NYAP2: variants seen among roughly 807,000 people sequenced by gnomAD.
The protein encoded by NYAP2 is neuronal tyrosine-phosphorylated phosphoinositide-3-kinase adaptor 2, also known as neuronal tyrosine-phosphorylated phosphoinositide-3-kinase adapter 2.
Under a neutral mutation model 50.4 loss-of-function variants are expected in NYAP2, and 23 were observed. The ratio of observed to expected loss-of-function variants is 0.46; its 90% confidence interval spans 0.33 to 0.65. The LOEUF (loss-of-function observed/expected upper bound fraction) is 0.65. NYAP2 is among the 30% of genes least tolerant of loss of function. The pLI, the probability that NYAP2 is intolerant of heterozygous loss-of-function variation, is 0.02. For synonymous variants in NYAP2, 394 were observed against 365.2 expected, an observed-to-expected ratio of 1.08 and a Z score of -0.90; for missense variants, 885 against 861.0, an observed-to-expected ratio of 1.03 and a Z score of -0.35.
intron 3 of NYAP2, among the ~76,000 whole-genome samples, chr2:225,494,927 TTACCCTAGTATATGTAAA>T (rs1206741959): frequency 2.6e-5 from 4 of 152,212 alleles, no homozygotes; most frequent in Non-Finnish European, 5.9e-5. Context: ...TCTGTGTTTC[TTACCCTAGTATATGTAAA>T]AACCAGTAAT....
intron 3 of NYAP2, among the ~76,000 whole-genome samples, chr2:225,433,816 C>CAAA (rs35886164): frequency 0.08 from 4,964 of 62,172 alleles, 1,025 homozygotes; most frequent in Middle Eastern, 0.1. Flanking sequence ...GACTCCGTCT[C>CAAA]AAAAAAAAAA....
chr2:225,675,217 T>C, the NYAP2 span, among the ~76,000 whole-genome samples: 8 of 152,082 alleles, frequency 5.3e-5, no homozygotes, highest in Non-Finnish European at 7.4e-5. Flanking sequence ...TGCCGAGGCT[T>C]GAGGTCCCAA....
At chr2:225,474,976 G>C (rs908074634) in intron 3 of NYAP2, among the ~76,000 whole-genome samples, 1 of 152,110 alleles carries the variant, frequency 6.6e-6, no homozygotes, top group Non-Finnish European at 1.5e-5. Flanking sequence ...AGCTATAAAA[G>C]CATCTGTATT....
At chr2:225,407,074 G>T (rs79983485) in intron 2 of NYAP2, among the ~76,000 whole-genome samples, 1 of 151,894 alleles carries the variant, frequency 6.6e-6, no homozygotes, top group African/African-American at 2.4e-5. Context: ...TGCTTAACTT[G>T]GGTAGAATTA....
upstream of NYAP2, among the ~76,000 whole-genome samples, chr2:225,399,498 T>A (rs927125525): frequency 1.3e-4 from 20 of 152,136 alleles, no homozygotes; most frequent in African/African-American, 4.6e-4. Context: ...ATTAATGACA[T>A]ACATATCATA....
intron 3 of NYAP2, among the ~76,000 whole-genome samples, chr2:225,424,958 T>C (rs1695264924): frequency 6.6e-6 from 1 of 152,164 alleles, no homozygotes; most frequent in Non-Finnish European, 1.5e-5. Context: ...TGAGTTCGTT[T>C]CCATCATATT....
intron 3 of NYAP2, among the ~76,000 whole-genome samples, chr2:225,487,522 G>C (rs990894431): frequency 6.6e-6 from 1 of 151,968 alleles, no homozygotes; most frequent in African/African-American, 2.4e-5. Context: ...GCCACACCCA[G>C]CTAATTTTTG....
chr2:225,476,466 T>C (rs1690110361), intron 3 of NYAP2, among the ~76,000 whole-genome samples: 1 of 152,102 alleles, frequency 6.6e-6, no homozygotes, highest in African/African-American at 2.4e-5. Flanking sequence ...TTGTTCATTG[T>C]AGGAACATTC....
chr2:225,418,691 T>C (rs1466090801), intron 3 of NYAP2, among the ~76,000 whole-genome samples: 1 of 152,220 alleles, frequency 6.6e-6, no homozygotes, highest in Non-Finnish European at 1.5e-5. Context: ...GATTTGTTGA[T>C]ATTTGTAAGA....
At chr2:225,686,418 C>T in the NYAP2 span, among the ~76,000 whole-genome samples, 4 of 152,124 alleles carry the variant, frequency 2.6e-5, no homozygotes, top group Non-Finnish European at 5.9e-5. Context: ...TGAAGACTTT[C>T]TCCCTGGCTT....
At chr2:225,593,451 C>T (rs1259851446) in intron 5 of NYAP2, among the ~76,000 whole-genome samples, 2 of 152,178 alleles carry the variant, frequency 1.3e-5, no homozygotes, top group African/African-American at 4.8e-5. Context: ...TTCTCCCTTG[C>T]TGAAAGGACT....
At chr2:225,518,551 TATA>T (rs1333049255) in intron 4 of NYAP2, among the ~76,000 whole-genome samples, 3 of 69,210 alleles carry the variant, frequency 4.3e-5, no homozygotes, top group African/African-American at 1.9e-4. Flanking sequence ...TATATATATA[TATA>T]TATATATATA....
chr2:225,675,834 A>C, the NYAP2 span, among the ~76,000 whole-genome samples: 1,103 of 152,250 alleles, frequency 7.2e-3, 16 homozygotes, highest in African/African-American at 0.025. Flanking sequence ...AATAGTCACC[A>C]TTCCAATTGA....
chr2:225,703,431 A>G, the NYAP2 span: 2 of 151,856 alleles, frequency 1.3e-5, no homozygotes, highest in Non-Finnish European at 2.9e-5. Flanking sequence ...CCATTTCTAT[A>G]TATATAATAA....
intron 5 of NYAP2, among the ~76,000 whole-genome samples, chr2:225,616,045 G>A (rs1248070302): frequency 6.6e-6 from 1 of 152,190 alleles, no homozygotes; most frequent in African/African-American, 2.4e-5. Flanking sequence ...GCTCTGTGAT[G>A]TTTTTACACC....
At chr2:225,560,938 T>TTG (rs1559214714) in intron 4 of NYAP2, among the ~76,000 whole-genome samples, 1 of 151,444 alleles carries the variant, frequency 6.6e-6, no homozygotes, top group African/African-American at 2.4e-5. Flanking sequence ...AAAACGTTTT[T>TTG]TTTTTTTTTT....
At chr2:225,412,014 T>G (rs1359497580) in intron 3 of NYAP2, among the ~76,000 whole-genome samples, 1 of 148,962 alleles carries the variant, frequency 6.7e-6, no homozygotes, top group Non-Finnish European at 1.5e-5. Context: ...TAATATTATA[T>G]TATCATTTAT....
At position 225,582,213 on chromosome 2, in the gene NYAP2, G is replaced by A; in HGVS notation, c.796G>A (p.Ala266Thr). ...GAAGGAGGACGATGACCAGAGCGAG[G>A]CCGTCTACGAGGAAATGAAGTACCC... Residue 266 changes from alanine to threonine, a missense_variant, in exon 5 of 7, where the codon GCC becomes ACC. By Grantham distance (58) the Ala-to-Thr change is moderately conservative (BLOSUM62 0). Coordinates refer to ENST00000636099, the Ensembl canonical transcript of NYAP2. The surrounding 1 kb of genome is among the most constrained non-coding windows in gnomAD (Gnocchi z 7.0). 4 of 1,614,040 alleles carry A rather than the reference G, an allele frequency of 2.5e-6. No homozygotes were observed. Among genetic ancestry groups the A allele is most frequent in the Non-Finnish European group, 3.4e-6 (4 of 1,179,902 alleles).
Position 225,513,683 on chromosome 2 carries a change from C to A in NYAP2, c.523+11C>A. The stretch of plus-strand genomic sequence containing the variant: ...CTGAGAGGACTGAAGGTAAAACACG[C>A]CATGTCCATGTCACCTAGAAATCTC... On this transcript the variant is annotated intron_variant, in intron 4 of 6. Transcript: ENST00000636099. 2 of 1,488,820 alleles carry A rather than the reference C, an allele frequency of 1.3e-6. No homozygotes were observed. The highest frequency in any genetic ancestry group is 1.8e-6 in the Non-Finnish European group (2 of 1,119,302). The allele number at this position is 1,488,820 out of a possible 1,614,324, so 92.2% of individuals were successfully genotyped here.
Sources: gnomAD v4.1 joint callset for allele counts (sites outside exome capture counted in the v4.1 genomes callset) on GRCh38, gnomAD v4.1.1 for gene constraint, Gnocchi (gnomAD v3.1) non-coding constraint, MANE v1.5 for transcripts, NCBI Gene and HGNC (gene_info 2026-07-23, HGNC 2026-07-21) for gene names.